The following LDLRAD3 variants were observed in gnomAD, a reference collection of about 807,000 sequenced individuals.
LDLRAD3 encodes the protein low-density lipoprotein receptor class A domain-containing protein 3.
Under a neutral mutation model 29.4 loss-of-function variants are expected in LDLRAD3, and 20 were observed. The ratio of observed to expected loss-of-function variants is 0.68; its 90% CI spans 0.48 to 0.99. The LOEUF (loss-of-function observed/expected upper bound fraction) is 0.99, where lower values mean the gene tolerates loss of function less well. LDLRAD3 is among the 50% of genes least tolerant of loss of function. LDLRAD3 has a pLI of 0.00. For missense variants in LDLRAD3, 420 were observed against 454.3 expected, an observed-to-expected ratio of 0.92 and a Z score of 0.69; for synonymous variants, 157 against 192.7, an observed-to-expected ratio of 0.81 and a Z score of 1.53.
chr11:35,953,611 A>G (rs747579239), intron 1 of LDLRAD3, among the ~76,000 whole-genome samples: 1 of 152,180 alleles, frequency 6.6e-6, no homozygotes. Context: ...CTAATTGGAC[A>G]TGGCTGAAAA....
intron 1 of LDLRAD3, among the ~76,000 whole-genome samples, chr11:35,981,444 A>G (rs1400132999): frequency 2.6e-5 from 4 of 152,188 alleles, no homozygotes; most frequent in Non-Finnish European, 5.9e-5. Flanking sequence ...TGAAAAACAA[A>G]CAAGAACAAT....
At chr11:35,985,856 T>A (rs1851608515) in intron 1 of LDLRAD3, among the ~76,000 whole-genome samples, 4 of 151,798 alleles carry the variant, frequency 2.6e-5, no homozygotes, top group East Asian at 1.9e-4. Context: ...TTTTTTTTTT[T>A]AAATAAATTA....
At chr11:36,035,267 C>T (rs1384186384) in intron 1 of LDLRAD3, among the ~76,000 whole-genome samples, 1 of 151,488 alleles carries the variant, frequency 6.6e-6, no homozygotes, top group East Asian at 2.0e-4. Context: ...TCAGACTGGT[C>T]AGATCGATCA....
At chr11:36,127,941 A>G (rs1853861696) in intron 4 of LDLRAD3, among the ~76,000 whole-genome samples, 1 of 151,520 alleles carries the variant, frequency 6.6e-6, no homozygotes, top group South Asian at 2.1e-4. Context: ...AGGTGTTTTA[A>G]TGCCCTTCCA....
intron 1 of LDLRAD3, among the ~76,000 whole-genome samples, chr11:35,991,863 TTGTTTGTGTG>T (rs1368169583): frequency 2.7e-4 from 28 of 103,956 alleles, no homozygotes; most frequent in South Asian, 1.0e-3. Context: ...AATTGAATGG[TTGTTTGTGTG>T]TGTGTGTGTG....
At chr11:36,163,538 A>G (rs765747291) in intron 4 of LDLRAD3, 3 of 152,162 alleles carry the variant, frequency 2.0e-5, no homozygotes, top group Non-Finnish European at 4.4e-5. Context: ...GATACCTACC[A>G]ACCATATGTG....
intron 1 of LDLRAD3, among the ~76,000 whole-genome samples, chr11:36,034,876 G>C (rs1286091878): frequency 6.6e-6 from 1 of 152,200 alleles, no homozygotes. Flanking sequence ...CACGCATAAA[G>C]GATAGTGGCC....
At chr11:36,200,188 T>G (rs1565299406) in intron 4 of LDLRAD3, among the ~76,000 whole-genome samples, 1 of 151,938 alleles carries the variant, frequency 6.6e-6, no homozygotes, top group Non-Finnish European at 1.5e-5. Context: ...AATTAAAAAT[T>G]AAAAAAACAG....
At chr11:35,995,131 T>A (rs1356183797) in intron 1 of LDLRAD3, among the ~76,000 whole-genome samples, 3 of 152,244 alleles carry the variant, frequency 2.0e-5, no homozygotes, top group Non-Finnish European at 4.4e-5. Flanking sequence ...GTTTTGAATT[T>A]ACTTGGCCCA....
chr11:36,090,978 T>C (rs12275602), intron 3 of LDLRAD3, among the ~76,000 whole-genome samples: 3,760 of 152,228 alleles, frequency 0.025, 168 homozygotes, highest in African/African-American at 0.086. Flanking sequence ...ATTTTCCAAG[T>C]CACAAAGGGT....
At chr11:36,082,757 G>C (rs1853134642) in intron 3 of LDLRAD3, among the ~76,000 whole-genome samples, 1 of 152,154 alleles carries the variant, frequency 6.6e-6, no homozygotes. Flanking sequence ...GATACATGCA[G>C]ATCCTTCCTT....
At chr11:36,145,162 G>T in intron 4 of LDLRAD3, among the ~76,000 whole-genome samples, 1 of 120,880 alleles carries the variant, frequency 8.3e-6, no homozygotes, top group Non-Finnish European at 1.7e-5. Context: ...AGGTGGGGGG[G>T]TCAGCCCCCC....
At chr11:36,083,843 A>G (rs1475224762) in intron 3 of LDLRAD3, among the ~76,000 whole-genome samples, 1 of 152,136 alleles carries the variant, frequency 6.6e-6, no homozygotes, top group Non-Finnish European at 1.5e-5. Flanking sequence ...AGCATTCTAA[A>G]TGATTATGTC....
chr11:36,078,886 A>G (rs1238844988), intron 2 of LDLRAD3, among the ~76,000 whole-genome samples: 1 of 152,128 alleles, frequency 6.6e-6, no homozygotes, highest in Non-Finnish European at 1.5e-5. Context: ...ACCCCACACA[A>G]ATGAACCTGA....
chr11:36,162,938 C>T (rs1419898645), intron 4 of LDLRAD3, among the ~76,000 whole-genome samples: 1 of 152,202 alleles, frequency 6.6e-6, no homozygotes, highest in Non-Finnish European at 1.5e-5. Context: ...AAGGGCTCAG[C>T]AGCTGTGATG....
At chr11:36,115,308 G>T (rs1388818021) in intron 4 of LDLRAD3, among the ~76,000 whole-genome samples, 1 of 152,242 alleles carries the variant, frequency 6.6e-6, no homozygotes, top group African/African-American at 2.4e-5. Flanking sequence ...TAAAGATGGT[G>T]TTAAATTTGG....
chr11:36,187,447 A>G (rs1327133239), intron 4 of LDLRAD3, among the ~76,000 whole-genome samples: 1 of 152,216 alleles, frequency 6.6e-6, no homozygotes, highest in Admixed American at 6.5e-5. Flanking sequence ...ACGGAATCCT[A>G]CAAAACATCT....
At chr11:36,147,097 A>C (rs1276288688) in intron 4 of LDLRAD3, among the ~76,000 whole-genome samples, 11 of 40,000 alleles carry the variant, frequency 2.8e-4, no homozygotes, top group South Asian at 6.6e-4. Flanking sequence ...CCCCATATTT[A>C]CTTTTTTTTT....
At position 36,045,901 on chromosome 11, in the gene LDLRAD3, C is replaced by G. The variant is rs577707987; in HGVS notation, c.193+9652C>G. Among the ~76,000 whole-genome samples, 11 of 152,100 alleles carry G rather than the reference C, an allele frequency of 7.2e-5. No individual in the cohort carries two copies. The South Asian group carries it at 1.0e-3, about 14-fold the overall frequency. ...CATGGTGGTTTGCTGCACCCATCAA[C>G]CTGTCATCTAGGTTTTAAGACCCGC... On this transcript the variant is annotated intron_variant, in intron 2 of 5. Transcript: ENST00000315571.
Sources: gnomAD v4.1 joint callset for allele counts (sites outside exome capture counted in the v4.1 genomes callset) on GRCh38, gnomAD v4.1.1 for gene constraint, MANE v1.5 for transcripts, NCBI Gene and HGNC (gene_info 2026-07-23, HGNC 2026-07-21) for gene names.